Variants in C19orf85 observed in about 807,000 individuals in gnomAD.
C19orf85 encodes the protein uncharacterized protein C19orf85.
Position 55,463,381 on chromosome 19 carries a change from G to A in C19orf85, c.*91C>T. 1 of 398,940 alleles carries A rather than the reference G, an allele frequency of 2.5e-6. No individual in the cohort carries two copies. Among genetic ancestry groups the A allele is most frequent in the East Asian group, 3.6e-5 (1 of 28,082 alleles). The allele number at this position is 398,940 out of a possible 1,614,324, so 24.7% of individuals were successfully genotyped here. A position where few individuals can be genotyped will look rare whatever the true frequency, so the allele number is the denominator to read the frequency against. ...TCCCAGGGGCTGCCAGGAAGGGAGT[G>A]GACAGGTTGGGGGCTCCTGGAGAGG... On this transcript the variant is annotated 3_prime_UTR_variant, in exon 2 of 2. Coordinates refer to ENST00000635964, the MANE Select transcript of C19orf85 (RefSeq NM_001386794.1). This position sits in a 1 kb window ranked among gnomAD's most constrained non-coding sequence, Gnocchi z 4.9.
rs1986313635 is a variant in C19orf85, at chr19:55,463,941, G to A, written c.200C>T (p.Thr67Ile). 1 of 398,736 alleles carries A rather than the reference G, an allele frequency of 2.5e-6. No individual in the cohort carries two copies. The highest frequency in any genetic ancestry group is 4.4e-6 in the Non-Finnish European group (1 of 226,182). 24.7% of individuals were successfully genotyped at this position (398,736 alleles called of 1,614,324 possible). Residue 67 changes from threonine (T) to isoleucine (I), a missense_variant, in exon 2 of 2, where the codon ACC becomes ATC. Transcript: ENST00000635964. The surrounding 1 kb of genome is among the most constrained non-coding windows in gnomAD (Gnocchi z 4.9). ...CAGGATGGAGAGGGCCAGGCGCTGGGTGGCAGCCTCAATCTTGGTGAACTG... is the reference window on the plus strand; with the variant it reads ...CAGGATGGAGAGGGCCAGGCGCTGGATGGCAGCCTCAATCTTGGTGAACTG... ...CRQFTKIEAA[T>I]QRLALSILSQ...
rs982295448 is a variant in C19orf85 at position 55,464,742 on chromosome 19, C to T, written c.-188G>A. ...CTGTCCCCACCTCCCAGGAGCCCGA[C>T]CTGAAGTCTGAGGGAGCGGCAGGTG... On this transcript the variant is annotated 5_prime_UTR_variant, in exon 1 of 2. Coordinates refer to ENST00000635964, the MANE Select transcript of C19orf85 (RefSeq NM_001386794.1). 2.5e-6 allele frequency: 1 copy of T among 395,964 alleles called. No individual in the cohort carries two copies. The highest frequency in any genetic ancestry group is 4.4e-6 in the Non-Finnish European group (1 of 224,960). 24.5% of individuals were successfully genotyped at this position (395,964 alleles called of 1,614,324 possible). A position where few individuals can be genotyped will look rare whatever the true frequency, so the allele number is the denominator to read the frequency against.
At chr19:55,464,315 C>T (rs571714330) in intron 1 of C19orf85, 67 bp downstream of exon 1, 22 of 398,326 alleles carry the variant, frequency 5.5e-5, no homozygotes, top group Non-Finnish European at 7.1e-5. Flanking sequence ...CTCCCCCAGC[C>T]AAGGGTGCTG....
rs1986327730 is a variant in C19orf85, at chr19:55,464,594, A to C, written c.-40T>G. 5.0e-6 allele frequency: 2 copies of C among 398,136 alleles called. No homozygotes were observed. Among genetic ancestry groups the C allele is most frequent in the Admixed American group, 4.4e-5 (1 of 22,698 alleles). The allele number at this position is 398,136 out of a possible 1,614,324, so 24.7% of individuals were successfully genotyped here. A position where few individuals can be genotyped will look rare whatever the true frequency, so the allele number is the denominator to read the frequency against. On this transcript the variant is annotated 5_prime_UTR_variant, in exon 1 of 2. Transcript: ENST00000635964. ...GGAGTAACTCCCCACAATATTGCTG[A>C]CCAAAGCACCCCCCAAATCTGTGAG...
chr19:55,463,990 G>T lies in C19orf85; in HGVS notation c.174-23C>A, dbSNP rs1986314257. The T allele has an allele frequency of 2.5e-6, 1 of 398,138 alleles. No homozygotes were observed. The highest frequency in any genetic ancestry group is 4.4e-6 in the Non-Finnish European group (1 of 226,160). The allele number at this position is 398,138 out of a possible 1,614,324, so 24.7% of individuals were successfully genotyped here. A position where few individuals can be genotyped will look rare whatever the true frequency, so the allele number is the denominator to read the frequency against. On this transcript the variant is annotated intron_variant, in intron 1 of 1. Coordinates refer to ENST00000635964, the MANE Select transcript of C19orf85 (RefSeq NM_001386794.1). The surrounding 1 kb of genome is among the most constrained non-coding windows in gnomAD (Gnocchi z 4.9). ...TGCCTGTAAAGACAGATGTGAGCAG[G>T]CTGGTCTCTAACGCCTGAACTCAAG...
Position 55,463,988 on chromosome 19 carries a change from A to C in C19orf85, c.174-21T>G. ...ACTGCCTGTAAAGACAGATGTGAGC[A>C]GGCTGGTCTCTAACGCCTGAACTCA... On this transcript the variant is annotated intron_variant, in intron 1 of 1. Coordinates refer to ENST00000635964, the MANE Select transcript of C19orf85 (RefSeq NM_001386794.1). This position sits in a 1 kb window ranked among gnomAD's most constrained non-coding sequence, Gnocchi z 4.9. 2.5e-6 allele frequency: 1 copy of C among 398,236 alleles called. No homozygotes were observed. The highest frequency in any genetic ancestry group is 4.4e-6 in the Non-Finnish European group (1 of 226,156). The allele number at this position is 398,236 out of a possible 1,614,324, so 24.7% of individuals were successfully genotyped here.
rs1035927452 is a variant in C19orf85, at chr19:55,464,545, C to T, written c.10G>A (p.Gly4Arg). Residue 4 changes from glycine to arginine, a missense_variant, in exon 1 of 2, where the codon GGG (glycine) becomes AGG (arginine). Coordinates refer to ENST00000635964, the MANE Select transcript of C19orf85 (RefSeq NM_001386794.1). MHP[G>R]VPEGPGVSEP... ...GAGACCCCAGGGCCTTCGGGGACCC[C>T]GGGGTGCATGGCCAGGGTGGTCTGG... 11 of 398,258 alleles carry T rather than the reference C, an allele frequency of 2.8e-5. No individual in the cohort carries two copies. Among genetic ancestry groups the T allele is most frequent in the Middle Eastern group, 6.2e-4 (1 of 1,610 alleles). The allele number at this position is 398,258 out of a possible 1,614,324, so 24.7% of individuals were successfully genotyped here.
In C19orf85 at chr19:55,463,929, G is replaced by C. The variant is rs1986313383; in HGVS notation, c.212C>G (p.Ala71Gly). 2 of 398,734 alleles carry C rather than the reference G, an allele frequency of 5.0e-6. No homozygotes were observed. The highest frequency in any genetic ancestry group is 8.8e-6 in the Non-Finnish European group (2 of 226,274). 24.7% of individuals were successfully genotyped at this position (398,734 alleles called of 1,614,324 possible). The change falls in exon 2 of 2, where the codon GCC becomes GGC. Residue 71 changes from alanine to glycine, a missense_variant. Physicochemically the swap from Ala to Gly is moderately conservative, Grantham distance 60. Transcript: ENST00000635964. This position sits in a 1 kb window ranked among gnomAD's most constrained non-coding sequence, Gnocchi z 4.9. The part of the protein sequence containing the change: ...TKIEAATQRL[A>G]LSILSQEAPP... The stretch of plus-strand genomic sequence containing the variant: ...TGCCTCCTGGGACAGGATGGAGAGG[G>C]CCAGGCGCTGGGTGGCAGCCTCAAT...
Position 55,463,139 on chromosome 19 carries a change from T to G in C19orf85, c.*333A>C. ...AAGTCCTAGACCTGGGCCTGGCCCA[T>G]AGTAGGCGCTCGATACATCTTTGGG... On this transcript the variant is annotated 3_prime_UTR_variant, in exon 2 of 2. Transcript: ENST00000635964. This position sits in a 1 kb window ranked among gnomAD's most constrained non-coding sequence, Gnocchi z 4.9. The G allele has an allele frequency of 2.4e-5, 6 of 246,680 alleles. No homozygotes were observed. Among genetic ancestry groups the G allele is most frequent in the East Asian group, 7.4e-5 (1 of 13,552 alleles). The allele number at this position is 246,680 out of a possible 1,614,324, so 15.3% of individuals were successfully genotyped here.
intron 1 of C19orf85, among the ~76,000 whole-genome samples, 165 bp from the exon 2 acceptor site, chr19:55,464,132 A>AT (rs1219756912): frequency 6.6e-6 from 1 of 152,154 alleles, no homozygotes; most frequent in Non-Finnish European, 1.5e-5. Flanking sequence ...CTAGTTATTT[A>AT]TTTTGGTGAT....
rs1162529479 is a variant in C19orf85, at chr19:55,463,234, TG to T, written c.*237del. The T allele has an allele frequency of 1.9e-4, 76 of 391,222 alleles. No homozygotes were observed. Among genetic ancestry groups the T allele is most frequent in the Middle Eastern group, 1.3e-3 (2 of 1,564 alleles). The allele number at this position is 391,222 out of a possible 1,614,324, so 24.2% of individuals were successfully genotyped here. A position where few individuals can be genotyped will look rare whatever the true frequency, so the allele number is the denominator to read the frequency against. ...TGAGAGTGAGGGGTGGATGCCCAGA[TG>T]GGGCTAGGCAGAAGGAAGGGGGAAG... On this transcript the variant is annotated 3_prime_UTR_variant, in exon 2 of 2. Transcript: ENST00000635964. The surrounding 1 kb of genome is among the most constrained non-coding windows in gnomAD (Gnocchi z 4.9).
rs1986299033 is a variant in C19orf85 at position 55,463,361 on chromosome 19, G to A, written c.*111C>T. On this transcript the variant is annotated 3_prime_UTR_variant, in exon 2 of 2. Coordinates refer to ENST00000635964, the MANE Select transcript of C19orf85 (RefSeq NM_001386794.1). The surrounding 1 kb of genome is among the most constrained non-coding windows in gnomAD (Gnocchi z 4.9). The stretch of plus-strand genomic sequence containing the variant: ...GGGTCTGGGTTGGTTTATTTTCCCA[G>A]GGGCTGCCAGGAAGGGAGTGGACAG... 2.5e-6 allele frequency: 1 copy of A among 398,524 alleles called. No individual in the cohort carries two copies. The highest frequency in any genetic ancestry group is 4.4e-6 in the Non-Finnish European group (1 of 226,370). The allele number at this position is 398,524 out of a possible 1,614,324, so 24.7% of individuals were successfully genotyped here. A position where few individuals can be genotyped will look rare whatever the true frequency, so the allele number is the denominator to read the frequency against.
Position 55,464,620 on chromosome 19 carries a change from C to T in C19orf85, c.-66G>A. The stretch of plus-strand genomic sequence containing the variant: ...CCAAAGCACCCCCCAAATCTGTGAG[C>T]AGGGAGGGGCAGGGGACTCTGGAGG... On this transcript the variant is annotated 5_prime_UTR_variant, in exon 1 of 2. Coordinates refer to ENST00000635964, the MANE Select transcript of C19orf85 (RefSeq NM_001386794.1). The T allele has an allele frequency of 5.0e-6, 2 of 398,124 alleles. No individual in the cohort carries two copies. The highest frequency in any genetic ancestry group is 4.4e-6 in the Non-Finnish European group (1 of 225,894). 24.7% of individuals were successfully genotyped at this position (398,124 alleles called of 1,614,324 possible).
Position 55,463,973 on chromosome 19 carries a change from A to T in C19orf85, c.174-6T>A. The T allele has an allele frequency of 2.5e-6, 1 of 398,562 alleles. No homozygotes were observed. The highest frequency in any genetic ancestry group is 1.3e-4 in the South Asian group (1 of 7,870). 24.7% of individuals were successfully genotyped at this position (398,562 alleles called of 1,614,324 possible). Reference sequence around the variant, plus strand: ...CCTCAATCTTGGTGAACTGCCTGTAAAGACAGATGTGAGCAGGCTGGTCTC... The same window carrying T: ...CCTCAATCTTGGTGAACTGCCTGTATAGACAGATGTGAGCAGGCTGGTCTC... On this transcript the variant is annotated splice_polypyrimidine_tract_variant and splice_region_variant and intron_variant, in intron 1 of 1. Coordinates refer to ENST00000635964, the MANE Select transcript of C19orf85 (RefSeq NM_001386794.1). This position sits in a 1 kb window ranked among gnomAD's most constrained non-coding sequence, Gnocchi z 4.9.
chr19:55,464,516 C>T lies in C19orf85; in HGVS notation c.39G>A (p.Glu13=), dbSNP rs1240583665. The T allele has an allele frequency of 2.0e-5, 8 of 398,272 alleles. No homozygotes were observed. Among genetic ancestry groups the T allele is most frequent in the Non-Finnish European group, 3.5e-5 (8 of 225,874 alleles). 24.7% of individuals were successfully genotyped at this position (398,272 alleles called of 1,614,324 possible). ...AGGCACACAGCTCCCGGGGGCCGGG[C>T]TCGGAGACCCCAGGGCCTTCGGGGA... ...PGVPEGPGVS[E]PGPRELCAFV... is the part of the protein sequence containing the mutation. Residue 13 remains glutamate, a synonymous_variant, in exon 1 of 2, where the codon GAG becomes GAA. Coordinates refer to ENST00000635964, the MANE Select transcript of C19orf85 (RefSeq NM_001386794.1).
chr19:55,464,100 T>C, intron 1 of C19orf85, 133 bp from the exon 2 acceptor site: 1 of 397,874 alleles, frequency 2.5e-6, no homozygotes. Context: ...AAGGGTCACC[T>C]ATGTGGTCGC....
rs1986311437 is a variant in C19orf85 at position 55,463,862 on chromosome 19, A to C, written c.279T>G (p.Pro93=). Residue 93 remains proline, a synonymous_variant, in exon 2 of 2, where the codon CCT becomes CCG. Coordinates refer to ENST00000635964, the MANE Select transcript of C19orf85 (RefSeq NM_001386794.1). This position sits in a 1 kb window ranked among gnomAD's most constrained non-coding sequence, Gnocchi z 4.9. Reference sequence around the variant, plus strand: ...AGGCCACTCCCAGGAAGGGGGATGGAGGCGGTGGGGGTGGCTTTTGGAGCG... The same window carrying C: ...AGGCCACTCCCAGGAAGGGGGATGGCGGCGGTGGGGGTGGCTTTTGGAGCG... The part of the protein sequence containing the change: ...RPSLQKPPPP[P]PSPFLGVACA... The C allele has an allele frequency of 2.5e-6, 1 of 398,758 alleles. No homozygotes were observed. Among genetic ancestry groups the C allele is most frequent in the Admixed American group, 4.4e-5 (1 of 22,706 alleles). 24.7% of individuals were successfully genotyped at this position (398,758 alleles called of 1,614,324 possible).
At position 55,463,384 on chromosome 19, in the gene C19orf85, C is replaced by G; in HGVS notation, c.*88G>C. On this transcript the variant is annotated 3_prime_UTR_variant, in exon 2 of 2. Coordinates refer to ENST00000635964, the MANE Select transcript of C19orf85 (RefSeq NM_001386794.1). This position sits in a 1 kb window ranked among gnomAD's most constrained non-coding sequence, Gnocchi z 4.9. ...CAGGGGCTGCCAGGAAGGGAGTGGA[C>G]AGGTTGGGGGCTCCTGGAGAGGGCT... 1 of 398,950 alleles carries G rather than the reference C, an allele frequency of 2.5e-6. No homozygotes were observed. Among genetic ancestry groups the G allele is most frequent in the East Asian group, 3.6e-5 (1 of 28,092 alleles). The allele number at this position is 398,950 out of a possible 1,614,324, so 24.7% of individuals were successfully genotyped here. A position where few individuals can be genotyped will look rare whatever the true frequency, so the allele number is the denominator to read the frequency against.
chr19:55,463,734 G>A lies in C19orf85; in HGVS notation c.407C>T (p.Pro136Leu), dbSNP rs1207527738. The A allele has an allele frequency of 2.5e-6, 1 of 398,742 alleles. No individual in the cohort carries two copies. Among genetic ancestry groups the A allele is most frequent in the Non-Finnish European group, 4.4e-6 (1 of 226,240 alleles). The allele number at this position is 398,742 out of a possible 1,614,324, so 24.7% of individuals were successfully genotyped here. The change falls in exon 2 of 2, where the codon CCA (proline) becomes CTA (leucine). Residue 136 changes from proline to leucine, a missense_variant. Pro to Leu is a moderately conservative substitution (Grantham distance 98). Transcript: ENST00000635964. The surrounding 1 kb of genome is among the most constrained non-coding windows in gnomAD (Gnocchi z 4.9). The part of the protein sequence containing the change: ...LDLFDNIALT[P>L]ECASMPWDPS... ...GTCCCATGGCATTGAGGCACACTCT[G>A]GGGTGAGCGCAATGTTGTCAAAGAG... is the stretch of plus-strand genomic sequence containing the variant.
Sources: allele counts gnomAD v4.1 joint callset (sites outside exome capture counted in the v4.1 genomes callset), GRCh38; gene constraint gnomAD v4.1.1; non-coding constraint Gnocchi (gnomAD v3.1); transcripts MANE v1.5; gene names NCBI Gene and HGNC (gene_info 2026-07-23, HGNC 2026-07-21).